Variants in CASP10 observed in about 807,000 individuals in gnomAD.
The protein encoded by CASP10 is caspase-10.
A neutral mutation model predicts 48.5 loss-of-function variants in CASP10; 41 were observed. The ratio of observed to expected loss-of-function variants is 0.85; its 90% CI spans 0.66 to 1.10. The LOEUF is 1.10. Among genes scored for constraint, CASP10 ranks in the 50% least tolerant of loss-of-function variants. The pLI, the probability that CASP10 is intolerant of heterozygous loss-of-function variation, is 0.00. For missense variants in CASP10, 614 were observed against 614.5 expected, an observed-to-expected ratio of 1.00 and a Z score of 0.01; for synonymous variants, 232 against 238.4, an observed-to-expected ratio of 0.97 and a Z score of 0.25.
chr2:201,224,965 C>G (rs1237546891), downstream of CASP10, among the ~76,000 whole-genome samples: 4 of 152,174 alleles, frequency 2.6e-5, no homozygotes, highest in Middle Eastern at 3.4e-3. Flanking sequence ...TTTCCCCACC[C>G]TTTTTCAATG....
chr2:201,186,652 G>A (rs1033734665), intron 2 of CASP10, among the ~76,000 whole-genome samples: 7 of 152,128 alleles, frequency 4.6e-5, no homozygotes, highest in African/African-American at 1.7e-4. Flanking sequence ...GCCCAAAGAG[G>A]TAAAATTTAG....
downstream of CASP10, among the ~76,000 whole-genome samples, chr2:201,222,024 G>C (rs1024803261): frequency 6.6e-6 from 1 of 152,156 alleles, no homozygotes; most frequent in Non-Finnish European, 1.5e-5. Context: ...GCATGTCTGC[G>C]TGAATTTTGA....
rs547391777 is a variant in CASP10, at chr2:201,217,924, C to CT, written c.*191dup. The CT allele has an allele frequency of 7.0e-5, 100 of 1,436,080 alleles. No individual in the cohort carries two copies. Among genetic ancestry groups the CT allele is most frequent in the East Asian group, 1.6e-4 (6 of 37,344 alleles). The allele number at this position is 1,436,080 out of a possible 1,614,324, so 89.0% of individuals were successfully genotyped here. On this transcript the variant is annotated 3_prime_UTR_variant, in exon 10 of 10. Transcript: ENST00000286186. ...GCAAGTCTAAATGTTAGAAAACTTT[C>CT]TTTTTTTTGGAGATAGTCTCATTCT...
rs1559309668 is a variant in CASP10 at position 201,209,425 on chromosome 2, G to A, written c.1278G>A (p.Leu426=). 1 of 1,614,144 alleles carries A rather than the reference G, an allele frequency of 6.2e-7. No homozygotes were observed. The highest frequency in any genetic ancestry group is 1.7e-5 in the Admixed American group (1 of 60,014). The change falls in exon 9 of 10, where the codon CTG becomes CTA. Residue 426 remains leucine (L), a synonymous_variant. Transcript: ENST00000286186. ...ALNPEQAPTS[L]QDSIPAEADF... ...ACCCTGAGCAGGCACCCACTTCCCT[G>A]CAGGACAGTATTCCTGCCGAGGCTG...
chr2:201,198,689 C>T (rs1402489472), intron 5 of CASP10, among the ~76,000 whole-genome samples: 8 of 151,632 alleles, frequency 5.3e-5, no homozygotes, highest in Non-Finnish European at 4.4e-5. Context: ...CACAGGCGCC[C>T]GCCACCACGC....
chr2:201,214,412 GT>G (rs1322274280), intron 9 of CASP10: 2 of 152,118 alleles, frequency 1.3e-5, no homozygotes, highest in East Asian at 3.8e-4. Flanking sequence ...CACTGGAGAG[GT>G]GGTACTGGCT....
chr2:201,205,121 T>C (rs1283124693), intron 6 of CASP10, among the ~76,000 whole-genome samples: 2 of 152,176 alleles, frequency 1.3e-5, no homozygotes, highest in African/African-American at 4.8e-5. Context: ...TAGAGTCTTT[T>C]CCAGAGGAAT....
At chr2:201,214,339 T>C (rs1296920203) in intron 9 of CASP10, 1 of 152,150 alleles carries the variant, frequency 6.6e-6, no homozygotes, top group Non-Finnish European at 1.5e-5. Flanking sequence ...GTAAATGCTA[T>C]GATTAGAAAA....
At chr2:201,216,988 A>G (rs1945591547) in intron 9 of CASP10, among the ~76,000 whole-genome samples, 1 of 152,208 alleles carries the variant, frequency 6.6e-6, no homozygotes, top group South Asian at 2.1e-4. Context: ...CTGAACTTGC[A>G]GTGGAACCTT....
chr2:201,190,416 T>C (rs1335110190), intron 3 of CASP10, among the ~76,000 whole-genome samples: 1 of 152,210 alleles, frequency 6.6e-6, no homozygotes, highest in African/African-American at 2.4e-5. Flanking sequence ...AAGGATCTTC[T>C]GCTTTTGCCG....
chr2:201,208,963 C>G, intron 8 of CASP10, 107 bp from the exon 9 acceptor site: 1 of 1,235,552 alleles, frequency 8.1e-7, no homozygotes, highest in Non-Finnish European at 1.1e-6. Flanking sequence ...TAGGTGTGAG[C>G]CACTGTGCCC....
rs775218479 is a variant in CASP10, at chr2:201,220,914, C to T, written c.*3173C>T. 8.0e-5 allele frequency: 79 copies of T among 985,346 alleles called. No individual in the cohort carries two copies. The highest frequency in any genetic ancestry group is 9.4e-5 in the Non-Finnish European group (78 of 829,948). 61.0% of individuals were successfully genotyped at this position (985,346 alleles called of 1,614,324 possible). A position where few individuals can be genotyped will look rare whatever the true frequency, so the allele number is the denominator to read the frequency against. ...TCAAAGCCCTGCATTTCCATTTTGTCCTGATTCCTTTGCTCAGAGACACTA... is the reference window on the plus strand; with the variant it reads ...TCAAAGCCCTGCATTTCCATTTTGTTCTGATTCCTTTGCTCAGAGACACTA... On this transcript the variant is annotated 3_prime_UTR_variant, in exon 10 of 10. Coordinates refer to ENST00000286186, the MANE Select transcript of CASP10 (RefSeq NM_032977.4).
chr2:201,209,148 T>A lies in CASP10; in HGVS notation c.1001T>A (p.Met334Lys), dbSNP rs765110989. 7 of 1,612,000 alleles carry A rather than the reference T, an allele frequency of 4.3e-6. No individual in the cohort carries two copies. In the South Asian group the frequency reaches 6.6e-5, roughly 15 times the overall value. The change falls in exon 9 of 10, where the codon ATG (methionine) becomes AAG (lysine). Residue 334 changes from methionine to lysine, a missense_variant. Physicochemically the swap from Met to Lys is moderately conservative, Grantham distance 95. Transcript: ENST00000286186. ...AATGTGACGAAAGTGGAAATGGAGA[T>A]GGTCCTGCAGAAGCAGAAGTGCAAT... Reference protein sequence around the residue: ...HNNVTKVEMEMVLQKQKCNPA... With the variant: ...HNNVTKVEMEKVLQKQKCNPA...
chr2:201,191,117 C>T (rs184784497), intron 3 of CASP10, among the ~76,000 whole-genome samples: 6 of 152,250 alleles, frequency 3.9e-5, no homozygotes, highest in South Asian at 2.1e-4. Context: ...CTGCCTCAGC[C>T]TCCCAAAGTG....
At chr2:201,213,647 G>C (rs571381166) in intron 9 of CASP10, 1 of 152,304 alleles carries the variant, frequency 6.6e-6, no homozygotes, top group Admixed American at 6.5e-5. Flanking sequence ...ATATGATTCA[G>C]CTGTGGATTC....
chr2:201,209,032 T>C lies in CASP10; in HGVS notation c.923-38T>C, dbSNP rs749193379. The C allele has an allele frequency of 1.9e-6, 3 of 1,579,346 alleles. No homozygotes were observed. The South Asian group carries it at 3.4e-5, about 18-fold the overall frequency. On this transcript the variant is annotated intron_variant, in intron 8 of 9. Coordinates refer to ENST00000286186, the MANE Select transcript of CASP10 (RefSeq NM_032977.4). ...CATTTTATTATTTCCCCTTTCTCTCTCTCTCTCTCTTTTTTTTTTTTTTTT... is the reference window on the plus strand; with the variant it reads ...CATTTTATTATTTCCCCTTTCTCTCCCTCTCTCTCTTTTTTTTTTTTTTTT...
chr2:201,203,852 A>T, intron 6 of CASP10, 86 bp downstream of exon 6: 3 of 1,056,742 alleles, frequency 2.8e-6, no homozygotes, highest in Non-Finnish European at 4.4e-6. Context: ...ATTCAAGGTG[A>T]CTTGGAAGAG....
chr2:201,217,826 C>A lies in CASP10; in HGVS notation c.*85C>A. ...CCTGCCCAGCACAGGAATCGGTGGT[C>A]TCCACCTGTCATTCTAGAAACAGGA... On this transcript the variant is annotated 3_prime_UTR_variant, in exon 10 of 10. Coordinates refer to ENST00000286186, the MANE Select transcript of CASP10 (RefSeq NM_032977.4). 1 of 1,611,356 alleles carries A rather than the reference C, an allele frequency of 6.2e-7. No homozygotes were observed. Among genetic ancestry groups the A allele is most frequent in the South Asian group, 1.1e-5 (1 of 90,526 alleles).
Position 201,219,793 on chromosome 2 carries a change from CAT to C in CASP10, c.*2054_*2055del. 1.0e-6 allele frequency: 1 copy of C among 981,914 alleles called. No individual in the cohort carries two copies. The highest frequency in any genetic ancestry group is 1.8e-5 in the African/African-American group (1 of 55,930). The allele number at this position is 981,914 out of a possible 1,614,324, so 60.8% of individuals were successfully genotyped here. A position where few individuals can be genotyped will look rare whatever the true frequency, so the allele number is the denominator to read the frequency against. ...TTTTGAATCCTTAAAGGTGAGCCCT[CAT>C]AGGGAGATCCAAAGTCCTGTGGTTA... On this transcript the variant is annotated 3_prime_UTR_variant, in exon 10 of 10. Coordinates refer to ENST00000286186, the MANE Select transcript of CASP10 (RefSeq NM_032977.4).
Sources: allele counts gnomAD v4.1 joint callset (sites outside exome capture counted in the v4.1 genomes callset), GRCh38; gene constraint gnomAD v4.1.1; transcripts MANE v1.5; gene names NCBI Gene and HGNC (gene_info 2026-07-23, HGNC 2026-07-21).